SLC35D1: variants seen among roughly 807,000 people sequenced by gnomAD.
SLC35D1 encodes nucleotide sugar transporter SLC35D1.
SLC35D1 carries 31 observed loss-of-function variants against 46.7 expected under a neutral mutation model. The ratio of observed to expected loss-of-function variants is 0.66; its 90% CI spans 0.50 to 0.90. The LOEUF (loss-of-function observed/expected upper bound fraction) is 0.90. Ranked by LOEUF, SLC35D1 falls within the 40% of genes least tolerant of loss-of-function variation. The probability of loss-of-function intolerance (pLI) is 0.00; values close to 1 mark genes in which losing one functional copy is unlikely to be tolerated. For missense variants in SLC35D1, 397 were observed against 426.2 expected, an observed-to-expected ratio of 0.93 and a Z score of 0.60; for synonymous variants, 195 against 164.6, an observed-to-expected ratio of 1.18 and a Z score of -1.41.
chr1:67,049,404 A>C (rs1558167503), intron 6 of SLC35D1, among the ~76,000 whole-genome samples: 1 of 152,222 alleles, frequency 6.6e-6, no homozygotes, highest in Non-Finnish European at 1.5e-5. Flanking sequence ...TAAGTAAGTT[A>C]TTGAACTTAA....
rs192395145 is a variant in SLC35D1, at chr1:67,002,687, G to C, written c.*1653C>G. The C allele has an allele frequency of 6.6e-6, 1 of 152,236 alleles. No individual in the cohort carries two copies. The highest frequency in any genetic ancestry group is 1.9e-4 in the East Asian group (1 of 5,306). The allele number at this position is 152,236 out of a possible 1,614,324, so 9.4% of individuals were successfully genotyped here. ...AAGCTTTAGTAAAGACAAACCAAAA[G>C]ACAGGAATATGAAAATGATCTCAAT... On this transcript the variant is annotated 3_prime_UTR_variant, in exon 12 of 12. Coordinates refer to ENST00000235345, the MANE Select transcript of SLC35D1 (RefSeq NM_015139.3).
chr1:67,013,542 C>G (rs909028716), intron 10 of SLC35D1, among the ~76,000 whole-genome samples: 1 of 151,796 alleles, frequency 6.6e-6, no homozygotes, highest in South Asian at 2.1e-4. Flanking sequence ...AGAGTGAGAC[C>G]CTGTCTCAAA....
At chr1:67,042,925 C>T (rs994672990) in intron 7 of SLC35D1, among the ~76,000 whole-genome samples, 1 of 151,978 alleles carries the variant, frequency 6.6e-6, no homozygotes, top group Non-Finnish European at 1.5e-5. Context: ...CAGCCAGGCG[C>T]GGTGGCTCAC....
At chr1:66,988,927 C>CTGAG in the SLC35D1 span, among the ~76,000 whole-genome samples, 1 of 152,136 alleles carries the variant, frequency 6.6e-6, no homozygotes, top group African/African-American at 2.4e-5. Flanking sequence ...AAAGTGTATT[C>CTGAG]TGAGTACAGA....
chr1:66,986,128 GAA>G, the SLC35D1 span: 1 of 1,127,418 alleles, frequency 8.9e-7, no homozygotes, highest in Non-Finnish European at 1.1e-6. Flanking sequence ...TCGATTTTAT[GAA>G]GAGAAAGTGA....
chr1:66,974,063 T>C, the SLC35D1 span, among the ~76,000 whole-genome samples: 1 of 152,150 alleles, frequency 6.6e-6, no homozygotes, highest in Non-Finnish European at 1.5e-5. Flanking sequence ...TTCTTAAATT[T>C]TGTCGTGCAT....
At chr1:66,978,034 T>C in the SLC35D1 span, among the ~76,000 whole-genome samples, 2 of 151,862 alleles carry the variant, frequency 1.3e-5, no homozygotes, top group African/African-American at 4.8e-5. Context: ...CCATATCTAC[T>C]AAAAATACAA....
At chr1:67,044,442 T>C (rs4655668) in intron 7 of SLC35D1, among the ~76,000 whole-genome samples, 112,720 of 152,134 alleles carry the variant, frequency 0.74, 42,144 homozygotes, top group African/African-American at 0.83. Context: ...ATGATGCTGA[T>C]TGACATTAAA....
chr1:67,047,401 TAAA>T (rs1645263980), intron 6 of SLC35D1, 34 bp from the exon 7 acceptor site: 2 of 1,520,510 alleles, frequency 1.3e-6, no homozygotes, highest in African/African-American at 2.7e-5. Context: ...AAGAACAACT[TAAA>T]GAACATGCAT....
intron 6 of SLC35D1, among the ~76,000 whole-genome samples, chr1:67,047,925 G>A (rs1440517752): frequency 6.6e-6 from 1 of 152,132 alleles, no homozygotes; most frequent in Non-Finnish European, 1.5e-5. Flanking sequence ...AACCTGTGAA[G>A]TATAACTTGG....
In SLC35D1 at chr1:67,001,929, G is replaced by C. The variant is rs1199558502; in HGVS notation, c.*2411C>G. 6.6e-6 allele frequency: 1 copy of C among 152,344 alleles called. No individual in the cohort carries two copies. Among genetic ancestry groups the C allele is most frequent in the African/African-American group, 2.4e-5 (1 of 41,450 alleles). The allele number at this position is 152,344 out of a possible 1,614,324, so 9.4% of individuals were successfully genotyped here. On this transcript the variant is annotated 3_prime_UTR_variant, in exon 12 of 12. Transcript: ENST00000235345. Reference sequence around the variant, plus strand: ...CACAGAAGCCTGTCACGTGCATTTAGTGAAGCTGTAACTACACAATGTTCT... The same window carrying C: ...CACAGAAGCCTGTCACGTGCATTTACTGAAGCTGTAACTACACAATGTTCT...
chr1:66,996,531 G>C (rs1475016507), downstream of SLC35D1, among the ~76,000 whole-genome samples: 2 of 152,226 alleles, frequency 1.3e-5, no homozygotes, highest in Non-Finnish European at 2.9e-5. Flanking sequence ...GCCTCTCTGA[G>C]CTTCACCTGT....
At chr1:66,989,715 TCAGCCTCC>T in the SLC35D1 span, among the ~76,000 whole-genome samples, 27 of 152,340 alleles carry the variant, frequency 1.8e-4, no homozygotes, top group African/African-American at 6.3e-4. Flanking sequence ...TCCTCCCGCC[TCAGCCTCC>T]CAGTGTTGGG....
chr1:67,020,530 G>C lies in SLC35D1; in HGVS notation c.798-83C>G, dbSNP rs192760258. ...AAGATAAACAATCAGTGTTGGCCAA[G>C]CCAGCACATTCTAGTCACTGACCAG... is the stretch of plus-strand genomic sequence containing the variant. On this transcript the variant is annotated intron_variant, in intron 9 of 11. Coordinates refer to ENST00000235345, the MANE Select transcript of SLC35D1 (RefSeq NM_015139.3). The C allele has an allele frequency of 2.0e-5, 20 of 979,340 alleles. No individual in the cohort carries two copies. In the East Asian group the frequency reaches 4.4e-4, roughly 21 times the overall value. The allele number at this position is 979,340 out of a possible 1,614,324, so 60.7% of individuals were successfully genotyped here. A position where few individuals can be genotyped will look rare whatever the true frequency, so the allele number is the denominator to read the frequency against.
Position 67,002,408 on chromosome 1 carries a change from T to C in SLC35D1, c.*1932A>G, listed in dbSNP as rs1667358055. The C allele has an allele frequency of 2.0e-5, 3 of 152,350 alleles. No homozygotes were observed. The highest frequency in any genetic ancestry group is 7.2e-5 in the African/African-American group (3 of 41,450). The allele number at this position is 152,350 out of a possible 1,614,324, so 9.4% of individuals were successfully genotyped here. A position where few individuals can be genotyped will look rare whatever the true frequency, so the allele number is the denominator to read the frequency against. ...TCCCTCAGAGGGGAAGGGCGGTTAA[T>C]TAAATGGCAGCATAGTTCAATAAAA... On this transcript the variant is annotated 3_prime_UTR_variant, in exon 12 of 12. Transcript: ENST00000235345.
At chr1:66,992,525 G>A in the SLC35D1 span, among the ~76,000 whole-genome samples, 1 of 152,202 alleles carries the variant, frequency 6.6e-6, no homozygotes, top group African/African-American at 2.4e-5. Context: ...GCAGAAAATG[G>A]AAAAATGACT....
At chr1:66,981,123 C>A in the SLC35D1 span, among the ~76,000 whole-genome samples, 1 of 152,100 alleles carries the variant, frequency 6.6e-6, no homozygotes, top group Non-Finnish European at 1.5e-5. Flanking sequence ...GTAGGTGATA[C>A]ACTAAACCTG....
intron 8 of SLC35D1, among the ~76,000 whole-genome samples, chr1:67,025,486 G>C (rs1290478759): frequency 2.0e-5 from 3 of 152,126 alleles, no homozygotes; most frequent in Non-Finnish European, 4.4e-5. Flanking sequence ...AGCTTTATAA[G>C]AAGTGTTGAA....
the SLC35D1 span, chr1:66,985,333 C>CT: frequency 5.7e-5 from 56 of 985,340 alleles, 1 homozygote; most frequent in Non-Finnish European, 6.6e-5. Flanking sequence ...ACCAATTTCT[C>CT]TGAGTTTCTT....
Sources: gnomAD v4.1 joint callset for allele counts (sites outside exome capture counted in the v4.1 genomes callset) on GRCh38, gnomAD v4.1.1 for gene constraint, MANE v1.5 for transcripts, NCBI Gene and HGNC (gene_info 2026-07-23, HGNC 2026-07-21) for gene names.